NKAIN3: variants seen among roughly 807,000 people sequenced by gnomAD.
NKAIN3 encodes sodium/potassium-transporting ATPase subunit beta-1-interacting protein 3.
NKAIN3 carries 25 observed loss-of-function variants against 30.2 expected under a neutral mutation model. That is an observed-to-expected ratio of 0.83 (90% CI 0.60 to 1.16). The LOEUF is 1.16. Ranked by LOEUF, NKAIN3 falls within the 50% of genes most tolerant of loss-of-function variation. The probability of loss-of-function intolerance (pLI) is 0.00; values close to 1 mark genes in which losing one functional copy is unlikely to be tolerated. For synonymous variants in NKAIN3, 91 were observed against 89.6 expected (o/e 1.02, Z -0.09); for missense variants, 225 against 254.1 (o/e 0.89, Z 0.78).
chr8:62,313,194 T>C (rs1391101231), intron 1 of NKAIN3, among the ~76,000 whole-genome samples: 1 of 152,156 alleles, frequency 6.6e-6, no homozygotes, highest in Admixed American at 6.6e-5. Flanking sequence ...ATGTATGCCT[T>C]TAATACATAA....
At chr8:62,501,494 C>A (rs988345377) in intron 1 of NKAIN3, among the ~76,000 whole-genome samples, 7 of 152,082 alleles carry the variant, frequency 4.6e-5, no homozygotes, top group African/African-American at 1.7e-4. Flanking sequence ...TCATGTCTTT[C>A]TGGTCATCTC....
intron 4 of NKAIN3, among the ~76,000 whole-genome samples, chr8:62,755,758 A>C (rs936643320): frequency 6.6e-6 from 1 of 152,156 alleles, no homozygotes; most frequent in Non-Finnish European, 1.5e-5. Context: ...ACTATACACC[A>C]TCTCTGGTCT....
intron 4 of NKAIN3, among the ~76,000 whole-genome samples, chr8:62,827,081 C>T (rs575451819): frequency 6.6e-6 from 1 of 152,126 alleles, no homozygotes; most frequent in East Asian, 1.9e-4. Context: ...AGTAAATAAA[C>T]AATTTCCCAG....
At chr8:62,366,223 C>CTTT (rs71255329) in intron 1 of NKAIN3, among the ~76,000 whole-genome samples, 1 of 129,594 alleles carries the variant, frequency 7.7e-6, no homozygotes, top group Non-Finnish European at 1.7e-5. Flanking sequence ...ATTCTGTTTC[C>CTTT]TTTTTTTTTT....
intron 4 of NKAIN3, among the ~76,000 whole-genome samples, chr8:62,909,216 C>G (rs1821865658): frequency 1.3e-5 from 2 of 152,120 alleles, no homozygotes; most frequent in South Asian, 4.1e-4. Flanking sequence ...AAACCAATCC[C>G]ACATACAAAT....
chr8:62,855,597 G>A lies in NKAIN3; in HGVS notation c.472-62856G>A, dbSNP rs376515587. 613 of 1,599,228 alleles carry A rather than the reference G, an allele frequency of 3.8e-4. 3 individuals are homozygous for A. In the African/African-American group the frequency reaches 7.6e-3, roughly 20 times the overall value. ...ATTGCTTCAACCTTGGGCAATGTCAGGTCCACTGCTTGTTCAGTCTCCATC... is the reference window on the plus strand; with the variant it reads ...ATTGCTTCAACCTTGGGCAATGTCAAGTCCACTGCTTGTTCAGTCTCCATC... On this transcript the variant is annotated intron_variant, in intron 4 of 6. Transcript: ENST00000623646.
At chr8:62,738,690 A>G (rs1815759524) in intron 3 of NKAIN3, among the ~76,000 whole-genome samples, 1 of 150,886 alleles carries the variant, frequency 6.6e-6, no homozygotes, top group African/African-American at 2.4e-5. Flanking sequence ...TTTTTCTTGT[A>G]AATTTATTTA....
chr8:62,415,850 C>T (rs1257537583), intron 1 of NKAIN3, among the ~76,000 whole-genome samples: 3 of 151,990 alleles, frequency 2.0e-5, no homozygotes, highest in Non-Finnish European at 2.9e-5. Context: ...CTCTGCCTCC[C>T]GGGTTCACGC....
intron 4 of NKAIN3, among the ~76,000 whole-genome samples, chr8:62,846,678 G>C (rs905163540): frequency 6.6e-6 from 1 of 152,072 alleles, no homozygotes; most frequent in African/African-American, 2.4e-5. Flanking sequence ...TTTTAAGGCT[G>C]CATATTATTC....
chr8:62,447,226 G>A (rs1050311865), intron 1 of NKAIN3, among the ~76,000 whole-genome samples: 1 of 151,974 alleles, frequency 6.6e-6, no homozygotes, highest in African/African-American at 2.4e-5. Flanking sequence ...CCTTTGAAAG[G>A]CAGTTTAATA....
Position 62,670,742 on chromosome 8 carries a change from G to T in NKAIN3, c.274-76190G>T, listed in dbSNP as rs73682630. Among the ~76,000 whole-genome samples, 8 of 152,110 alleles carry T rather than the reference G, an allele frequency of 5.3e-5. No homozygotes were observed. The East Asian group carries it at 1.5e-3, about 29-fold the overall frequency. Reference sequence around the variant, plus strand: ...TGACCAAAAGGAATTCTCTTCTGAGGCTTCAAAAATAGGTAAGTAAAGCCT... The same window carrying T: ...TGACCAAAAGGAATTCTCTTCTGAGTCTTCAAAAATAGGTAAGTAAAGCCT... On this transcript the variant is annotated intron_variant, in intron 3 of 6. Transcript: ENST00000623646.
At chr8:62,437,623 A>G (rs528847195) in intron 1 of NKAIN3, among the ~76,000 whole-genome samples, 5 of 152,292 alleles carry the variant, frequency 3.3e-5, no homozygotes, top group African/African-American at 1.2e-4. Flanking sequence ...AGCAATAAAA[A>G]CAACATTTTA....
At chr8:62,683,009 TTTTG>T (rs1028235678) in intron 3 of NKAIN3, among the ~76,000 whole-genome samples, 12 of 149,452 alleles carry the variant, frequency 8.0e-5, no homozygotes, top group African/African-American at 1.7e-4. Context: ...ATGTGTCAGG[TTTTG>T]TTTGTTTGTT....
chr8:62,603,340 T>A (rs1811036532), intron 3 of NKAIN3, among the ~76,000 whole-genome samples: 1 of 152,158 alleles, frequency 6.6e-6, no homozygotes, highest in Non-Finnish European at 1.5e-5. Flanking sequence ...TAGCAGTGTG[T>A]ACTACTGGAT....
intron 1 of NKAIN3, among the ~76,000 whole-genome samples, chr8:62,467,405 G>C (rs10957226): frequency 0.18 from 27,812 of 152,100 alleles, 2,662 homozygotes; most frequent in African/African-American, 0.21. Context: ...CACCTGTAAA[G>C]TCCTATAGCT....
intron 1 of NKAIN3, among the ~76,000 whole-genome samples, chr8:62,341,668 T>G (rs1210427362): frequency 2.0e-5 from 3 of 152,004 alleles, no homozygotes; most frequent in Non-Finnish European, 2.9e-5. Flanking sequence ...TGATGTCTTT[T>G]TGTATGAAGA....
At chr8:62,841,233 T>C (rs1177835050) in intron 4 of NKAIN3, among the ~76,000 whole-genome samples, 1 of 152,196 alleles carries the variant, frequency 6.6e-6, no homozygotes, top group Admixed American at 6.6e-5. Flanking sequence ...GAGTACAATG[T>C]GATGTTTTCA....
chr8:62,874,009 A>G (rs1820721697), intron 4 of NKAIN3, among the ~76,000 whole-genome samples: 1 of 152,124 alleles, frequency 6.6e-6, no homozygotes, highest in Admixed American at 6.5e-5. Context: ...GGAGATAGAG[A>G]CATGAAAAAC....
chr8:62,442,157 T>G (rs897031955), intron 1 of NKAIN3, among the ~76,000 whole-genome samples: 3 of 152,042 alleles, frequency 2.0e-5, no homozygotes, highest in Non-Finnish European at 4.4e-5. Context: ...CAATTTTCTG[T>G]TTTTAGTTAT....
Sources: allele counts gnomAD v4.1 joint callset (sites outside exome capture counted in the v4.1 genomes callset), GRCh38; gene constraint gnomAD v4.1.1; transcripts MANE v1.5; gene names NCBI Gene and HGNC (gene_info 2026-07-23, HGNC 2026-07-21).